Variants in IL2RB observed in about 807,000 individuals in gnomAD.
IL2RB encodes interleukin-2 receptor subunit beta.
Under a neutral mutation model 44.2 loss-of-function variants are expected in IL2RB, and 17 were observed. The observed-to-expected ratio is 0.38, with a 90% CI of 0.26 to 0.58. The LOEUF is 0.58. Ranked by LOEUF, IL2RB falls within the 20% of genes least tolerant of loss-of-function variation. The pLI is 0.63. For missense variants in IL2RB, 624 were observed against 685.5 expected, an observed-to-expected ratio of 0.91 and a Z score of 1.00; for synonymous variants, 286 against 297.9, an observed-to-expected ratio of 0.96 and a Z score of 0.41.
intron 1 of IL2RB, among the ~76,000 whole-genome samples, chr22:37,158,733 T>C (rs1471985117): frequency 1.3e-5 from 2 of 152,186 alleles, no homozygotes; most frequent in Middle Eastern, 3.2e-3. Flanking sequence ...TCTGTGAAGG[T>C]GCGTGGGAGC....
At position 37,128,759 on chromosome 22, in the gene IL2RB, G is replaced by T; in HGVS notation, c.993C>A (p.Asp331Glu). The part of the protein sequence containing the change: ...EISPLEVLER[D>E]KVTQLLLQQD... ...GCTGCAGGAGCAGCTGCGTCACCTTGTCCCTCTCCAGCACTTCTAGTGGCG... is the reference window on the plus strand; with the variant it reads ...GCTGCAGGAGCAGCTGCGTCACCTTTTCCCTCTCCAGCACTTCTAGTGGCG... The change falls in exon 10 of 10, where the codon GAC becomes GAA. Residue 331 changes from aspartate to glutamate, a missense_variant. Transcript: ENST00000216223. This position sits in a 1 kb window ranked among gnomAD's most constrained non-coding sequence, Gnocchi z 4.5. 6.2e-7 allele frequency: 1 copy of T among 1,614,112 alleles called. No individual in the cohort carries two copies. Among genetic ancestry groups the T allele is most frequent in the Non-Finnish European group, 8.5e-7 (1 of 1,179,986 alleles).
intron 4 of IL2RB, 61 bp downstream of exon 4, chr22:37,142,373 C>G (rs370974166): frequency 1.3e-6 from 2 of 1,490,280 alleles, no homozygotes; most frequent in South Asian, 2.3e-5. Context: ...ACCCTGAGAT[C>G]GCAGCCCGGA....
chr22:37,134,975 C>T (rs1201753417), intron 8 of IL2RB, among the ~76,000 whole-genome samples: 1 of 152,166 alleles, frequency 6.6e-6, no homozygotes, highest in Admixed American at 6.5e-5. Flanking sequence ...GACATGTGCA[C>T]ACGGGCATCC....
rs1011655210 is a variant in IL2RB, at chr22:37,146,634, G to C, written c.-33-2429C>G. On this transcript the variant is annotated intron_variant, in intron 1 of 9. Coordinates refer to ENST00000216223, the MANE Select transcript of IL2RB (RefSeq NM_000878.5). ...CCTGATTTCCGTGATGGAGGGCGAG[G>C]GCTTCCTCTTCTGAGCGCCTTGCTC... 6.6e-5 allele frequency among the ~76,000 whole-genome samples: 10 copies of C among 152,204 alleles called. No individual in the cohort carries two copies. The South Asian group carries it at 2.1e-3, about 32-fold the overall frequency.
chr22:37,137,367 C>G (rs924184005), intron 6 of IL2RB, among the ~76,000 whole-genome samples: 1 of 152,160 alleles, frequency 6.6e-6, no homozygotes, highest in Non-Finnish European at 1.5e-5. Flanking sequence ...CTGGTGTCAG[C>G]CTGGAACCTG....
intron 1 of IL2RB, among the ~76,000 whole-genome samples, chr22:37,144,444 C>G (rs1024998934): frequency 1.3e-4 from 20 of 152,236 alleles, no homozygotes; most frequent in Admixed American, 1.3e-3. Context: ...GACTAGACTA[C>G]ATAAAGAAGC....
intron 4 of IL2RB, among the ~76,000 whole-genome samples, chr22:37,140,045 G>A (rs913544062): frequency 6.6e-6 from 1 of 152,214 alleles, no homozygotes; most frequent in African/African-American, 2.4e-5. Context: ...CCTACAGCCC[G>A]GCAGCCCTGC....
At chr22:37,143,956 G>A (rs1922103852) in intron 2 of IL2RB, 129 bp downstream of exon 2, 1 of 1,248,574 alleles carries the variant, frequency 8.0e-7, no homozygotes, top group East Asian at 2.6e-5. Context: ...CAGGGGTCCA[G>A]GACAGAGGGT....
At chr22:37,158,575 A>G (rs1922758000) in intron 1 of IL2RB, among the ~76,000 whole-genome samples, 1 of 152,078 alleles carries the variant, frequency 6.6e-6, no homozygotes, top group South Asian at 2.1e-4. Flanking sequence ...TAGGAAGGGG[A>G]GGCTCTCTGG....
intron 3 of IL2RB, 108 bp downstream of exon 3, chr22:37,143,413 C>A: frequency 1.4e-6 from 1 of 709,100 alleles, no homozygotes; most frequent in South Asian, 1.8e-5. Flanking sequence ...CTGTGGGTCC[C>A]ATTAGTCCAA....
At chr22:37,171,023 G>A (rs1279335514) in intron 1 of IL2RB, among the ~76,000 whole-genome samples, 1 of 151,972 alleles carries the variant, frequency 6.6e-6, no homozygotes, top group Non-Finnish European at 1.5e-5. Flanking sequence ...TCGCTCTGTT[G>A]CCCAGGCTGG....
intron 4 of IL2RB, among the ~76,000 whole-genome samples, chr22:37,140,256 G>C (rs1053759322): frequency 2.6e-5 from 4 of 151,168 alleles, no homozygotes; most frequent in African/African-American, 9.7e-5. Context: ...GCTGCTATGG[G>C]GGCTAGATTT....
rs764308277 is a variant in IL2RB, at chr22:37,128,687, C to A, written c.1065G>T (p.Leu355=). ...EPASLSSNHS[L]TSCFTNQGYF... ...AACCCTGGTTGGTGAAGCAGCTGGT[C>A]AGCGAGTGGTTGCTGCTTAAGGATG... The change falls in exon 10 of 10, where the codon CTG becomes CTT. Residue 355 remains leucine, a synonymous_variant. Coordinates refer to ENST00000216223, the MANE Select transcript of IL2RB (RefSeq NM_000878.5). This position sits in a 1 kb window ranked among gnomAD's most constrained non-coding sequence, Gnocchi z 4.5. 1 of 1,614,168 alleles carries A rather than the reference C, an allele frequency of 6.2e-7. No individual in the cohort carries two copies. The highest frequency in any genetic ancestry group is 1.1e-5 in the South Asian group (1 of 91,076).
Position 37,127,778 on chromosome 22 carries a change from A to G in IL2RB, c.*318T>C, listed in dbSNP as rs1921196709. 1 of 228,480 alleles carries G rather than the reference A, an allele frequency of 4.4e-6. No individual in the cohort carries two copies. The highest frequency in any genetic ancestry group is 8.5e-6 in the Non-Finnish European group (1 of 117,938). The allele number at this position is 228,480 out of a possible 1,614,324, so 14.2% of individuals were successfully genotyped here. ...GCCGCGAGGACTGATATTGGTGAATAGCTGCAGGGCTGGAGAGGAGCGATG... is the reference window on the plus strand; with the variant it reads ...GCCGCGAGGACTGATATTGGTGAATGGCTGCAGGGCTGGAGAGGAGCGATG... On this transcript the variant is annotated 3_prime_UTR_variant, in exon 10 of 10. Coordinates refer to ENST00000216223, the MANE Select transcript of IL2RB (RefSeq NM_000878.5).
chr22:37,148,061 G>T (rs1459088980), intron 1 of IL2RB, among the ~76,000 whole-genome samples: 1 of 152,244 alleles, frequency 6.6e-6, no homozygotes. Flanking sequence ...TGTGAGGAAG[G>T]TGCTGAGGGA....
chr22:37,142,159 A>G (rs1489136099), intron 4 of IL2RB, among the ~76,000 whole-genome samples: 1 of 152,114 alleles, frequency 6.6e-6, no homozygotes, highest in African/African-American at 2.4e-5. Flanking sequence ...GTGTCACAGG[A>G]CCCACAAAGC....
chr22:37,168,509 T>C (rs1328574702), intron 1 of IL2RB, among the ~76,000 whole-genome samples: 1 of 152,218 alleles, frequency 6.6e-6, no homozygotes, highest in Non-Finnish European at 1.5e-5. Context: ...TGATCTTGGA[T>C]AAGTTCCTTT....
chr22:37,139,341 A>G, intron 4 of IL2RB, 119 bp from the exon 5 acceptor site: 3 of 660,010 alleles, frequency 4.5e-6, no homozygotes, highest in Non-Finnish European at 8.2e-6. Context: ...CACCCAAGGC[A>G]GGGGCAGCAA....
Position 37,127,901 on chromosome 22 carries a change from A to C in IL2RB, c.*195T>G. The C allele has an allele frequency of 8.9e-5, 36 of 403,766 alleles. No homozygotes were observed. Among genetic ancestry groups the C allele is most frequent in the South Asian group, 2.0e-4 (2 of 10,252 alleles). The allele number at this position is 403,766 out of a possible 1,614,324, so 25.0% of individuals were successfully genotyped here. A position where few individuals can be genotyped will look rare whatever the true frequency, so the allele number is the denominator to read the frequency against. Reference sequence around the variant, plus strand: ...CACAGTTCCTGGCTCGGGCAGCAGGACCCGGGAGCAGCAGTGGAGGTTTGG... The same window carrying C: ...CACAGTTCCTGGCTCGGGCAGCAGGCCCCGGGAGCAGCAGTGGAGGTTTGG... On this transcript the variant is annotated 3_prime_UTR_variant, in exon 10 of 10. Transcript: ENST00000216223.
Sources: allele counts gnomAD v4.1 joint callset (sites outside exome capture counted in the v4.1 genomes callset), GRCh38; gene constraint gnomAD v4.1.1; non-coding constraint Gnocchi (gnomAD v3.1); transcripts MANE v1.5; gene names NCBI Gene and HGNC (gene_info 2026-07-23, HGNC 2026-07-21).